The following AGTPBP1 variants were observed in gnomAD, a reference collection of about 807,000 sequenced individuals.
AGTPBP1 encodes cytosolic carboxypeptidase 1.
In AGTPBP1, 70 loss-of-function variants were observed where a neutral mutation model predicts 143.9. The ratio of observed to expected loss-of-function variants is 0.49; its 90% CI spans 0.40 to 0.59. AGTPBP1 has a LOEUF of 0.59. Ranked by LOEUF, AGTPBP1 falls within the 20% of genes least tolerant of loss-of-function variation. The pLI is 0.00. For synonymous variants in AGTPBP1, 463 were observed against 500.2 expected (o/e 0.93, Z 0.99); for missense variants, 1,229 against 1,464.5 (o/e 0.84, Z 2.62).
the AGTPBP1 span, among the ~76,000 whole-genome samples, chr9:85,749,498 CCTGT>C: frequency 6.6e-6 from 1 of 152,154 alleles, no homozygotes; most frequent in Non-Finnish European, 1.5e-5. Flanking sequence ...CTCTGAGACT[CCTGT>C]CTGTCTCTTT....
chr9:85,762,394 G>A, the AGTPBP1 span, among the ~76,000 whole-genome samples: 1 of 152,054 alleles, frequency 6.6e-6, no homozygotes, highest in African/African-American at 2.4e-5. Flanking sequence ...ATGATAGACT[G>A]GATTAAGAAA....
intron 4 of AGTPBP1, among the ~76,000 whole-genome samples, chr9:85,679,244 G>A (rs1564136601): frequency 6.6e-6 from 1 of 152,094 alleles, no homozygotes; most frequent in Non-Finnish European, 1.5e-5. Flanking sequence ...AATCTAATAA[G>A]TGAAAATGTT....
chr9:85,802,537 A>T, the AGTPBP1 span, among the ~76,000 whole-genome samples: 1 of 152,146 alleles, frequency 6.6e-6, no homozygotes, highest in East Asian at 1.9e-4. Context: ...TTCTTTAGTC[A>T]GTTCACTCTC....
rs905598688 is a variant in AGTPBP1, at chr9:85,667,816, CT to C, written c.662+1668del. Among the ~76,000 whole-genome samples, 26 of 146,556 alleles carry C rather than the reference CT, an allele frequency of 1.8e-4. 1 individual carries two copies. Among genetic ancestry groups the C allele is most frequent in the African/African-American group, 5.8e-4 (23 of 39,572 alleles). ...AAAACAAAACCAAAAAACAGGGAAACTTTTTTTTATTTCAAAAGATTATGAG... is the reference window on the plus strand; with the variant it reads ...AAAACAAAACCAAAAAACAGGGAAACTTTTTTTATTTCAAAAGATTATGAG... On this transcript the variant is annotated intron_variant, in intron 8 of 25. Coordinates refer to ENST00000357081, the MANE Select transcript of AGTPBP1 (RefSeq NM_001330701.2).
intron 6 of AGTPBP1, among the ~76,000 whole-genome samples, chr9:85,674,186 C>A (rs1036178714): frequency 6.9e-5 from 10 of 145,668 alleles, no homozygotes; most frequent in Non-Finnish European, 1.1e-4. Context: ...AATTTTAAAT[C>A]AAAATAACTC....
the AGTPBP1 span, among the ~76,000 whole-genome samples, chr9:85,780,385 G>A: frequency 6.8e-6 from 1 of 146,440 alleles, no homozygotes; most frequent in Non-Finnish European, 1.5e-5. Flanking sequence ...TTTTTCTGTG[G>A]TGTTTTCCTT....
chr9:85,735,779 C>T (rs906720414), intron 1 of AGTPBP1, among the ~76,000 whole-genome samples: 14 of 152,096 alleles, frequency 9.2e-5, no homozygotes, highest in African/African-American at 3.1e-4. Flanking sequence ...TTTTTTAATT[C>T]ATTAAACTCT....
intron 8 of AGTPBP1, 118 bp from the exon 9 acceptor site, chr9:85,661,091 C>T: frequency 2.4e-6 from 2 of 835,216 alleles, no homozygotes; most frequent in Non-Finnish European, 3.6e-6. Context: ...CCAAAGTTTA[C>T]TCTTGTTTAA....
At chr9:85,642,743 T>C (rs1832566150) in intron 13 of AGTPBP1, 84 bp downstream of exon 13, 1 of 1,073,912 alleles carries the variant, frequency 9.3e-7, no homozygotes, top group Non-Finnish European at 1.4e-6. Flanking sequence ...GGAAAGAAAA[T>C]AAAAACAGTG....
the AGTPBP1 span, among the ~76,000 whole-genome samples, chr9:85,799,628 G>C: frequency 6.6e-6 from 1 of 152,132 alleles, no homozygotes; most frequent in Non-Finnish European, 1.5e-5. Context: ...TTATCCTCCA[G>C]CCTCAGCCTC....
intron 17 of AGTPBP1, among the ~76,000 whole-genome samples, chr9:85,612,989 A>G (rs186672459): frequency 3.9e-5 from 6 of 152,324 alleles, no homozygotes; most frequent in Admixed American, 3.9e-4. Flanking sequence ...CCAGATATTA[A>G]GCCACAAAAA....
chr9:85,719,769 C>A (rs1444290230), intron 1 of AGTPBP1, among the ~76,000 whole-genome samples: 6 of 152,168 alleles, frequency 3.9e-5, no homozygotes, highest in Non-Finnish European at 8.8e-5. Context: ...CCAGTTTTTG[C>A]CCATCCAGTA....
chr9:85,700,717 A>G (rs1337877784), intron 2 of AGTPBP1, among the ~76,000 whole-genome samples: 1 of 152,208 alleles, frequency 6.6e-6, no homozygotes, highest in Non-Finnish European at 1.5e-5. Context: ...AGTGAGAACA[A>G]GAGAAAATGC....
the AGTPBP1 span, among the ~76,000 whole-genome samples, chr9:85,802,699 AC>A: frequency 2.6e-5 from 4 of 152,226 alleles, no homozygotes; most frequent in African/African-American, 9.7e-5. Flanking sequence ...TATCTTGCTC[AC>A]ATAATTGGGT....
chr9:85,670,431 C>A, intron 7 of AGTPBP1, among the ~76,000 whole-genome samples: 1 of 152,052 alleles, frequency 6.6e-6, no homozygotes, highest in East Asian at 1.9e-4. Context: ...GTCTAGGTAA[C>A]AGGTAATGAG....
chr9:85,556,391 A>C (rs1308216983), intron 25 of AGTPBP1, among the ~76,000 whole-genome samples: 1 of 152,172 alleles, frequency 6.6e-6, no homozygotes, highest in Non-Finnish European at 1.5e-5. Flanking sequence ...AATAACAATA[A>C]AACTTTTTGA....
intron 11 of AGTPBP1, among the ~76,000 whole-genome samples, chr9:85,646,881 G>A (rs1207925501): frequency 6.6e-6 from 1 of 151,916 alleles, no homozygotes; most frequent in Admixed American, 6.6e-5. Context: ...GGAAGAGGAA[G>A]AACTGTCTTG....
intron 11 of AGTPBP1, among the ~76,000 whole-genome samples, chr9:85,648,888 T>C (rs912640683): frequency 1.3e-5 from 2 of 152,102 alleles, no homozygotes; most frequent in African/African-American, 4.8e-5. Context: ...GAGGAGAAAA[T>C]GCAGTTCAGC....
chr9:85,701,623 T>C (rs1381998593), intron 2 of AGTPBP1, among the ~76,000 whole-genome samples: 1 of 152,170 alleles, frequency 6.6e-6, no homozygotes, highest in Non-Finnish European at 1.5e-5. Flanking sequence ...AGGAACACCA[T>C]GAACAGAAGA....
Sources: gnomAD v4.1 joint callset for allele counts (sites outside exome capture counted in the v4.1 genomes callset) on GRCh38, gnomAD v4.1.1 for gene constraint, MANE v1.5 for transcripts, NCBI Gene and HGNC (gene_info 2026-07-23, HGNC 2026-07-21) for gene names.